The following PGS1 variants were observed in gnomAD, a reference collection of about 807,000 sequenced individuals.
The protein encoded by PGS1 is phosphatidylglycerophosphate synthase 1, also known as CDP-diacylglycerol--glycerol-3-phosphate 3-phosphatidyltransferase, mitochondrial.
In PGS1, 44 loss-of-function variants were observed where a neutral mutation model predicts 58.3. That is an observed-to-expected ratio of 0.75 (90% confidence interval 0.59 to 0.97). The LOEUF (loss-of-function observed/expected upper bound fraction) is 0.97, where lower values mean the gene tolerates loss of function less well. Ranked by LOEUF, PGS1 falls within the 50% of genes least tolerant of loss-of-function variation. The probability of loss-of-function intolerance (pLI) is 0.00; values close to 1 mark genes in which losing one functional copy is unlikely to be tolerated. For missense variants in PGS1, 684 were observed against 731.1 expected, an observed-to-expected ratio of 0.94 and a Z score of 0.74; for synonymous variants, 330 against 311.0, an observed-to-expected ratio of 1.06 and a Z score of -0.64.
At chr17:78,403,411 G>A (rs1319665375) in intron 6 of PGS1, among the ~76,000 whole-genome samples, 157 bp from the exon 7 acceptor site, 2 of 152,118 alleles carry the variant, frequency 1.3e-5, no homozygotes, top group Admixed American at 6.6e-5. Flanking sequence ...GAGGAGCCTC[G>A]CTCTGGGCTT....
At chr17:78,391,440 C>T (rs2082822108) in intron 1 of PGS1, among the ~76,000 whole-genome samples, 2 of 152,196 alleles carry the variant, frequency 1.3e-5, no homozygotes, top group African/African-American at 2.4e-5. Context: ...CTGCCTCAGC[C>T]TCTTGAGTAG....
At chr17:78,383,170 TGGGTTAG>T (rs1182112397) in intron 1 of PGS1, among the ~76,000 whole-genome samples, 2 of 152,164 alleles carry the variant, frequency 1.3e-5, no homozygotes, top group Non-Finnish European at 2.9e-5. Context: ...GTGTGTTGGA[TGGGTTAG>T]GGGTTCTTAA....
intron 7 of PGS1, 117 bp from the exon 8 acceptor site, chr17:78,414,762 C>G: frequency 8.6e-7 from 1 of 1,156,640 alleles, no homozygotes; most frequent in Non-Finnish European, 1.2e-6. Context: ...TGCAGCAGCC[C>G]CTCGTGTCCA....
In PGS1 at chr17:78,416,762, GC is replaced by G. The variant is rs2085225575; in HGVS notation, c.1551+1736del. Among the ~76,000 whole-genome samples, 3 of 152,256 alleles carry G rather than the reference GC, an allele frequency of 2.0e-5. No individual in the cohort carries two copies. The East Asian group carries it at 5.8e-4, about 29-fold the overall frequency. On this transcript the variant is annotated intron_variant, in intron 8 of 9. Coordinates refer to ENST00000262764, the MANE Select transcript of PGS1 (RefSeq NM_024419.5). Reference sequence around the variant, plus strand: ...AGACTGATTTCTCTGCCTGTGAAACGCAGAAATATGTTTCCAGATAATTCCA... The same window carrying G: ...AGACTGATTTCTCTGCCTGTGAAACGAGAAATATGTTTCCAGATAATTCCA...
intron 1 of PGS1, among the ~76,000 whole-genome samples, chr17:78,390,489 C>T (rs1302510216): frequency 3.3e-5 from 5 of 152,184 alleles, no homozygotes; most frequent in Non-Finnish European, 5.9e-5. Flanking sequence ...AGCTGTGGGC[C>T]ATCTGTTGTC....
rs1196884452 is a variant in PGS1 at position 78,400,255 on chromosome 17, C to G, written c.702-422C>G. Among the ~76,000 whole-genome samples the G allele has an allele frequency of 6.6e-6, 1 of 151,948 alleles. No homozygotes were observed. Among genetic ancestry groups the G allele is most frequent in the Non-Finnish European group, 1.5e-5 (1 of 67,986 alleles). ...CAAAAATTAGCTGGGTGTGGTGGCACACACCTGTAATCCCAGCTACTCGGG... is the reference window on the plus strand; with the variant it reads ...CAAAAATTAGCTGGGTGTGGTGGCAGACACCTGTAATCCCAGCTACTCGGG... On this transcript the variant is annotated intron_variant, in intron 5 of 9. Transcript: ENST00000262764. The surrounding 1 kb of genome is among the most constrained non-coding windows in gnomAD (Gnocchi z 4.4).
rs1172073468 is a variant in PGS1, at chr17:78,406,152, TA to T, written c.1402+2070del. Among the ~76,000 whole-genome samples the T allele has an allele frequency of 5.9e-5, 9 of 152,012 alleles. No individual in the cohort carries two copies. The East Asian group carries it at 1.7e-3, about 29-fold the overall frequency. On this transcript the variant is annotated intron_variant, in intron 7 of 9. Transcript: ENST00000262764. ...TAACACGGTGAAACCCTGTTTCTAC[TA>T]AAAAAATACAAAAAATTAGCGGGGC...
At chr17:78,394,430 C>G (rs1034890424) in intron 2 of PGS1, among the ~76,000 whole-genome samples, 4 of 152,084 alleles carry the variant, frequency 2.6e-5, no homozygotes, top group African/African-American at 9.7e-5. Flanking sequence ...TTTTGTTCTC[C>G]CCTCTCACCT....
Position 78,399,543 on chromosome 17 carries a change from T to C in PGS1, c.701+6T>C, listed in dbSNP as rs1323967277. ...AACAGCGTCATCTTGAGCGGGTGAGTGCTTCCCACCGTCAGTGCTTTTGCC... is the reference window on the plus strand; with the variant it reads ...AACAGCGTCATCTTGAGCGGGTGAGCGCTTCCCACCGTCAGTGCTTTTGCC... On this transcript the variant is annotated splice_donor_region_variant and intron_variant, in intron 5 of 9. Coordinates refer to ENST00000262764, the MANE Select transcript of PGS1 (RefSeq NM_024419.5). 2 of 1,613,812 alleles carry C rather than the reference T, an allele frequency of 1.2e-6. No homozygotes were observed. Among genetic ancestry groups the C allele is most frequent in the Non-Finnish European group, 1.7e-6 (2 of 1,179,804 alleles).
intron 8 of PGS1, among the ~76,000 whole-genome samples, chr17:78,415,953 G>A (rs1598383738): frequency 1.3e-5 from 2 of 152,218 alleles, no homozygotes; most frequent in African/African-American, 4.8e-5. Context: ...GGCATCGGAC[G>A]GTAACTTTGT....
chr17:78,383,380 C>A (rs1206160436), intron 1 of PGS1, among the ~76,000 whole-genome samples: 3 of 152,170 alleles, frequency 2.0e-5, no homozygotes, highest in Admixed American at 2.0e-4. Flanking sequence ...GCATGTGCCA[C>A]CACGCCCATC....
chr17:78,378,931 C>T, intron 1 of PGS1, 123 bp downstream of exon 1: 1 of 1,084,610 alleles, frequency 9.2e-7, no homozygotes, highest in Non-Finnish European at 1.2e-6. Flanking sequence ...TTTCCGGGCC[C>T]ATTTCTGCCT....
chr17:78,400,853 A>C lies in PGS1; in HGVS notation c.878A>C (p.Lys293Thr). The part of the protein sequence containing the change: ...QVVDGMVHPY[K>T]GDRAEYCKAA... The stretch of plus-strand genomic sequence containing the variant: ...GTGGATGGGATGGTGCATCCTTACA[A>C]AGGTAGGGGCTGCCGCTGACACCCT... Residue 293 changes from lysine to threonine, a missense_variant and splice_region_variant, in exon 6 of 10, where the codon AAA (lysine) becomes ACA (threonine). By Grantham distance (78) the Lys-to-Thr change is moderately conservative (BLOSUM62 -1). Coordinates refer to ENST00000262764, the MANE Select transcript of PGS1 (RefSeq NM_024419.5). This position sits in a 1 kb window ranked among gnomAD's most constrained non-coding sequence, Gnocchi z 4.4. 6.3e-7 allele frequency: 1 copy of C among 1,597,436 alleles called. No homozygotes were observed. Among genetic ancestry groups the C allele is most frequent in the Non-Finnish European group, 8.5e-7 (1 of 1,169,850 alleles).
chr17:78,381,576 C>A (rs1400549693), intron 1 of PGS1, among the ~76,000 whole-genome samples: 1 of 152,174 alleles, frequency 6.6e-6, no homozygotes, highest in Non-Finnish European at 1.5e-5. Context: ...GTTGCACCTC[C>A]CAATTTCTCA....
chr17:78,414,728 C>T (rs1225320039), intron 7 of PGS1, 151 bp from the exon 8 acceptor site: 1 of 793,804 alleles, frequency 1.3e-6, no homozygotes, highest in Non-Finnish European at 2.0e-6. Context: ...AAGAGTGAGT[C>T]CTGGTGTGGC....
chr17:78,421,584 C>CTAGT (rs1422413405), intron 9 of PGS1: 1 of 152,282 alleles, frequency 6.6e-6, no homozygotes, highest in Admixed American at 6.5e-5. Flanking sequence ...TGCCTTCCAA[C>CTAGT]TAGTTATTAC....
At chr17:78,423,752 T>C in intron 9 of PGS1, 1 of 999,106 alleles carries the variant, frequency 1.0e-6, no homozygotes, top group African/African-American at 1.6e-5. Flanking sequence ...ACCTCCACCC[T>C]CTGGTTCCGA....
In PGS1 at chr17:78,420,302, T is replaced by C. The variant is rs903496486; in HGVS notation, c.*10+627T>C. 4.6e-6 allele frequency: 4 copies of C among 870,866 alleles called. No homozygotes were observed. In the Admixed American group the frequency reaches 1.8e-4, roughly 39 times the overall value. The allele number at this position is 870,866 out of a possible 1,614,324, so 53.9% of individuals were successfully genotyped here. The stretch of plus-strand genomic sequence containing the variant: ...CCTGCCGCTTCACCAGAGGCACCAG[T>C]GGGGTCCCACAGTCACCTGAGGTAC... On this transcript the variant is annotated intron_variant, in intron 9 of 9. Transcript: ENST00000262764.
intron 1 of PGS1, among the ~76,000 whole-genome samples, chr17:78,387,087 T>TC (rs2082448289): frequency 6.6e-6 from 1 of 152,188 alleles, no homozygotes; most frequent in Non-Finnish European, 1.5e-5. Flanking sequence ...CTCTGCAACC[T>TC]CCATCTTCCA....
Sources: gnomAD v4.1 joint callset for allele counts (sites outside exome capture counted in the v4.1 genomes callset) on GRCh38, gnomAD v4.1.1 for gene constraint, Gnocchi (gnomAD v3.1) non-coding constraint, MANE v1.5 for transcripts, NCBI Gene and HGNC (gene_info 2026-07-23, HGNC 2026-07-21) for gene names.